SLIT3: variants seen among roughly 807,000 people sequenced by gnomAD.
SLIT3 encodes slit homolog 3 protein.
Under a neutral mutation model 184.0 loss-of-function variants are expected in SLIT3, and 68 were observed. The observed-to-expected ratio is 0.37, with a 90% CI of 0.30 to 0.45. The LOEUF (loss-of-function observed/expected upper bound fraction) is 0.45, where lower values mean the gene tolerates loss of function less well. Ranked by LOEUF, SLIT3 falls within the 20% of genes least tolerant of loss-of-function variation. The pLI is 1.00. For missense variants in SLIT3, 1,707 were observed against 2,026.0 expected (o/e 0.84, Z 3.02); for synonymous variants, 831 against 828.6 (o/e 1.00, Z -0.05).
intron 4 of SLIT3, among the ~76,000 whole-genome samples, chr5:169,081,805 C>T (rs1422476482): frequency 6.6e-6 from 1 of 152,208 alleles, no homozygotes; most frequent in Non-Finnish European, 1.5e-5. Context: ...AGGCCAGACC[C>T]TGTGCTTTGC....
At chr5:168,920,985 C>A (rs1236635187) in intron 4 of SLIT3, among the ~76,000 whole-genome samples, 3 of 152,144 alleles carry the variant, frequency 2.0e-5, no homozygotes, top group African/African-American at 7.2e-5. Context: ...TTGCTCTGCT[C>A]CTTGAGCTGT....
At chr5:169,014,522 G>C (rs1485060733) in intron 4 of SLIT3, among the ~76,000 whole-genome samples, 1 of 152,160 alleles carries the variant, frequency 6.6e-6, no homozygotes, top group East Asian at 1.9e-4. Context: ...CGTCAAGCCG[G>C]CTTCCTCCAC....
chr5:168,686,718 G>A (rs543139386), intron 30 of SLIT3, among the ~76,000 whole-genome samples: 84 of 152,338 alleles, frequency 5.5e-4, no homozygotes, highest in Non-Finnish European at 1.1e-3. Context: ...TACACAAGCT[G>A]AACCTAAGCC....
chr5:168,913,401 T>A (rs1348071688), intron 4 of SLIT3, among the ~76,000 whole-genome samples: 1 of 152,214 alleles, frequency 6.6e-6, no homozygotes, highest in African/African-American at 2.4e-5. Context: ...AGCTTTTCCG[T>A]AACCCAGCTG....
At chr5:169,021,942 AAGTAC>A (rs1237345406) in intron 4 of SLIT3, among the ~76,000 whole-genome samples, 2 of 114,434 alleles carry the variant, frequency 1.7e-5, no homozygotes, top group African/African-American at 5.6e-5. Context: ...ACTGTAATGG[AAGTAC>A]ACATATAGAA....
intron 4 of SLIT3, among the ~76,000 whole-genome samples, chr5:168,893,636 G>A (rs1310048939): frequency 6.6e-6 from 1 of 152,148 alleles, no homozygotes; most frequent in Non-Finnish European, 1.5e-5. Context: ...TAGAGAGATG[G>A]CCCAAATTGA....
rs112248786 is a variant in SLIT3, at chr5:169,127,163, A to G, written c.413+66316T>C. Among the ~76,000 whole-genome samples, 418 of 152,318 alleles carry G rather than the reference A, an allele frequency of 2.7e-3. 3 individuals are homozygous for G. Among genetic ancestry groups the G allele is most frequent in the African/African-American group, 9.4e-3 (390 of 41,570 alleles). On this transcript the variant is annotated intron_variant, in intron 4 of 35. Coordinates refer to ENST00000519560, the MANE Select transcript of SLIT3 (RefSeq NM_003062.4). ...TCATCACAAAAAAAGGAAAAAGAAA[A>G]TGTTTTATATGAGGCTAAGAGTACC...
At chr5:168,914,715 T>C (rs769783324) in intron 4 of SLIT3, among the ~76,000 whole-genome samples, 2 of 152,146 alleles carry the variant, frequency 1.3e-5, no homozygotes, top group Non-Finnish European at 2.9e-5. Context: ...TTCTGTACTG[T>C]AATTTCCTAA....
intron 4 of SLIT3, among the ~76,000 whole-genome samples, chr5:168,978,530 G>T (rs911323304): frequency 6.6e-6 from 1 of 152,074 alleles, no homozygotes; most frequent in Non-Finnish European, 1.5e-5. Flanking sequence ...TGTCAACTCA[G>T]CCCCTTATAG....
chr5:168,708,272 A>C (rs1326896773), intron 25 of SLIT3, 172 bp from the exon 26 acceptor site: 1 of 760,358 alleles, frequency 1.3e-6, no homozygotes, highest in Non-Finnish European at 2.1e-6. Context: ...CTAGAGTCCC[A>C]TTAATTCAGC....
At chr5:169,171,468 T>C (rs1762816935) in intron 4 of SLIT3, among the ~76,000 whole-genome samples, 2 of 152,210 alleles carry the variant, frequency 1.3e-5, no homozygotes, top group African/African-American at 2.4e-5. Flanking sequence ...GTTTCCTTTG[T>C]GCTTGTGTGT....
Position 169,208,252 on chromosome 5 carries a change from C to T in SLIT3, c.342-14702G>A, listed in dbSNP as rs192701185. ...ACATATTATTACTTTGGCAGTAGGG[C>T]CATTTTCACAATACTGATTCTTCCT... On this transcript the variant is annotated intron_variant, in intron 3 of 35. Coordinates refer to ENST00000519560, the MANE Select transcript of SLIT3 (RefSeq NM_003062.4). Among the ~76,000 whole-genome samples, 196 of 152,240 alleles carry T rather than the reference C, an allele frequency of 1.3e-3. 1 individual carries two copies. The highest frequency in any genetic ancestry group is 4.5e-3 in the African/African-American group (185 of 41,556).
chr5:169,063,511 C>G (rs1056539289), intron 4 of SLIT3, among the ~76,000 whole-genome samples: 2 of 152,340 alleles, frequency 1.3e-5, no homozygotes, highest in African/African-American at 4.8e-5. Flanking sequence ...CTTTCTGACC[C>G]GCCTCGGGGG....
chr5:168,692,391 T>A (rs1363368512), intron 29 of SLIT3, among the ~76,000 whole-genome samples: 1 of 152,142 alleles, frequency 6.6e-6, no homozygotes, highest in Non-Finnish European at 1.5e-5. Flanking sequence ...CCTACCTACC[T>A]GTCTATCTAC....
chr5:169,282,838 T>C (rs750507126), intron 1 of SLIT3, among the ~76,000 whole-genome samples: 1 of 152,226 alleles, frequency 6.6e-6, no homozygotes, highest in Non-Finnish European at 1.5e-5. Context: ...TTGAAGAATT[T>C]CTTGAGGTCA....
intron 20 of SLIT3, among the ~76,000 whole-genome samples, chr5:168,733,110 A>C (rs1763335416): frequency 6.6e-6 from 1 of 151,970 alleles, no homozygotes; most frequent in Admixed American, 6.5e-5. Flanking sequence ...AGAAAAAAAA[A>C]ACCATTAAAA....
intron 4 of SLIT3, among the ~76,000 whole-genome samples, chr5:169,158,473 T>TA (rs545909635): frequency 0.027 from 4,147 of 150,816 alleles, 200 homozygotes; most frequent in African/African-American, 0.095. Flanking sequence ...AAAAGATGGC[T>TA]AAAAAAAAAT....
chr5:168,797,059 G>T lies in SLIT3; in HGVS notation c.936-1481C>A, dbSNP rs371902618. On this transcript the variant is annotated intron_variant, in intron 9 of 35. Transcript: ENST00000519560. ...CAATGCCTTTGTACCCTGCTGGAGG[G>T]GGGCGGGGAGTGCACTTTACCGGGA... Among the ~76,000 whole-genome samples, 25 of 152,104 alleles carry T rather than the reference G, an allele frequency of 1.6e-4. No individual in the cohort carries two copies. In the East Asian group the frequency reaches 4.1e-3, roughly 25 times the overall value.
At chr5:168,980,938 A>G (rs1754925577) in intron 4 of SLIT3, among the ~76,000 whole-genome samples, 2 of 152,238 alleles carry the variant, frequency 1.3e-5, no homozygotes. Flanking sequence ...AGCAATGGTT[A>G]CCATCATTTT....
Sources: allele counts gnomAD v4.1 joint callset (sites outside exome capture counted in the v4.1 genomes callset), GRCh38; gene constraint gnomAD v4.1.1; transcripts MANE v1.5; gene names NCBI Gene and HGNC (gene_info 2026-07-23, HGNC 2026-07-21).